Variants in SNX5 observed in about 807,000 individuals in gnomAD.
SNX5 encodes the protein sorting nexin 5.
Under a neutral mutation model 53.9 loss-of-function variants are expected in SNX5, and 31 were observed. The observed-to-expected ratio is 0.58, with a 90% CI of 0.43 to 0.78. SNX5 has a LOEUF of 0.78. Among genes scored for constraint, SNX5 ranks in the 30% least tolerant of loss-of-function variants. The pLI, the probability that SNX5 is intolerant of heterozygous loss-of-function variation, is 0.00. For synonymous variants in SNX5, 168 were observed against 171.1 expected (o/e 0.98, Z 0.14); for missense variants, 471 against 478.8 (o/e 0.98, Z 0.15).
At chr20:17,967,578 G>C (rs908801794) in intron 1 of SNX5, 1 of 152,298 alleles carries the variant, frequency 6.6e-6, no homozygotes, top group Non-Finnish European at 1.5e-5. Flanking sequence ...CTTTTTCATC[G>C]GTCAGAAAAA....
chr20:17,955,831 G>A (rs767160222), intron 2 of SNX5, among the ~76,000 whole-genome samples: 58 of 152,124 alleles, frequency 3.8e-4, no homozygotes, highest in Admixed American at 4.6e-4. Context: ...TGTCACCCAG[G>A]CTGGAGTGCA....
chr20:17,952,887 G>C lies in SNX5; in HGVS notation c.390-177C>G, dbSNP rs143287130. On this transcript the variant is annotated intron_variant, in intron 4 of 12. Coordinates refer to ENST00000377759, the MANE Select transcript of SNX5 (RefSeq NM_014426.4). ...AGATACTAAGGCAGTTGCCATTTTT[G>C]AATCTGTGGAATAAGACTATGGAGG... is the stretch of plus-strand genomic sequence containing the variant. Among the ~76,000 whole-genome samples the C allele has an allele frequency of 1.2e-3, 184 of 152,316 alleles. 1 individual carries two copies. The highest frequency in any genetic ancestry group is 4.2e-3 in the African/African-American group (174 of 41,568).
intron 1 of SNX5, among the ~76,000 whole-genome samples, chr20:17,963,622 T>C (rs1290668853): frequency 1.3e-5 from 2 of 152,194 alleles, no homozygotes; most frequent in Non-Finnish European, 2.9e-5. Flanking sequence ...GGTCTCACTC[T>C]GTTGCCAAGG....
intron 2 of SNX5, among the ~76,000 whole-genome samples, chr20:17,955,916 C>T (rs1016770953): frequency 8.5e-5 from 13 of 152,204 alleles, no homozygotes; most frequent in African/African-American, 3.1e-4. Context: ...CCACCTCAGC[C>T]TCCTGAGTAG....
intron 1 of SNX5, chr20:17,968,058 G>A (rs192391436): frequency 4.8e-5 from 19 of 398,590 alleles, no homozygotes; most frequent in Admixed American, 3.5e-4. Flanking sequence ...CCACGAAGCC[G>A]AGGAAAGTTT....
chr20:17,960,771 CAA>C (rs571474077), intron 1 of SNX5, among the ~76,000 whole-genome samples: 7 of 92,752 alleles, frequency 7.5e-5, no homozygotes, highest in Admixed American at 1.2e-4. Flanking sequence ...AGCGAGTCTC[CAA>C]AAAAAAAAAA....
At chr20:17,946,186 G>A (rs146087665) in intron 11 of SNX5, among the ~76,000 whole-genome samples, 39 of 152,352 alleles carry the variant, frequency 2.6e-4, no homozygotes, top group Admixed American at 5.2e-4. Flanking sequence ...GACATGGACC[G>A]GACTTGTGAT....
rs1480114725 is a variant in SNX5 at position 17,952,676 on chromosome 20, A to AG, written c.423dup (p.Ser142LeufsTer3). ...AGCCGCTGAAGAAAGACTTCATGGG[A>AG]GGACACAGTCTTCTTAAACACAGCG... On this transcript the variant is annotated frameshift_variant, in exon 5 of 13. Coordinates refer to ENST00000377759, the MANE Select transcript of SNX5 (RefSeq NM_014426.4). LOFTEE classifies it high-confidence loss of function. The AG allele has an allele frequency of 1.9e-6, 3 of 1,613,902 alleles. No individual in the cohort carries two copies. The highest frequency in any genetic ancestry group is 2.5e-6 in the Non-Finnish European group (3 of 1,179,960).
chr20:17,943,371 G>A (rs1412044674), intron 11 of SNX5, 176 bp from the exon 12 acceptor site: 1 of 582,754 alleles, frequency 1.7e-6, no homozygotes, highest in East Asian at 2.9e-5. Flanking sequence ...ATTAACTGTG[G>A]TGATACAGCT....
In SNX5 at chr20:17,950,400, G is replaced by C; in HGVS notation, c.610-4C>G. ...GCTCAAAGAAGTCATCTACCTCCTAGAAGGAAGAAAAAAAGAACCAGACAT... is the reference window on the plus strand; with the variant it reads ...GCTCAAAGAAGTCATCTACCTCCTACAAGGAAGAAAAAAAGAACCAGACAT... On this transcript the variant is annotated splice_polypyrimidine_tract_variant and splice_region_variant and intron_variant, in intron 6 of 12. Coordinates refer to ENST00000377759, the MANE Select transcript of SNX5 (RefSeq NM_014426.4). The C allele has an allele frequency of 6.5e-7, 1 of 1,544,402 alleles. No individual in the cohort carries two copies. The highest frequency in any genetic ancestry group is 8.9e-7 in the Non-Finnish European group (1 of 1,122,724).
intron 8 of SNX5, 93 bp from the exon 9 acceptor site, chr20:17,949,196 G>A (rs2122359562): frequency 6.9e-6 from 7 of 1,017,048 alleles, no homozygotes; most frequent in South Asian, 5.5e-5. Flanking sequence ...GTCAACTCAG[G>A]AGTCCTAGCC....
chr20:17,956,673 CAAA>C (rs59252584), intron 2 of SNX5, among the ~76,000 whole-genome samples: 931 of 84,754 alleles, frequency 0.011, 16 homozygotes, highest in African/African-American at 0.043. Context: ...AGACTGTCTC[CAAA>C]AAAAAAAAAA....
Position 17,950,382 on chromosome 20 carries a change from G to T in SNX5, c.624C>A (p.Phe208Leu). ...LFTGVKEVDD[F>L]FEQEKNFLIN... is the part of the protein sequence containing the mutation. ...TAAGGAAGTTCTTCTCTTGCTCAAA[G>T]AAGTCATCTACCTCCTAGAAGGAAG... Residue 208 changes from phenylalanine to leucine, a missense_variant, in exon 7 of 13, where the codon TTC (phenylalanine) becomes TTA (leucine). Transcript: ENST00000377759. 1 of 1,604,220 alleles carries T rather than the reference G, an allele frequency of 6.2e-7. No homozygotes were observed. The highest frequency in any genetic ancestry group is 2.2e-5 in the East Asian group (1 of 44,820).
intron 1 of SNX5, among the ~76,000 whole-genome samples, chr20:17,963,750 C>A (rs566502366): frequency 1.1e-4 from 16 of 152,328 alleles, no homozygotes; most frequent in Admixed American, 7.2e-4. Context: ...AACCAAGATG[C>A]ACAGGAAATA....
At chr20:17,955,291 G>A in intron 3 of SNX5, 74 bp downstream of exon 3, 1 of 1,010,944 alleles carries the variant, frequency 9.9e-7, no homozygotes, top group South Asian at 1.5e-5. Context: ...AAAAAAAGTG[G>A]ATATAAGTCT....
In SNX5 at chr20:17,953,017, A is replaced by C. The variant is rs867113120; in HGVS notation, c.390-307T>G. ...CACAGAACATTTGTTTCTTTAAAGC[A>C]ATGAGAACCCTTTAACTGCAGCCTA... On this transcript the variant is annotated intron_variant, in intron 4 of 12. Transcript: ENST00000377759. Among the ~76,000 whole-genome samples, 4 of 152,252 alleles carry C rather than the reference A, an allele frequency of 2.6e-5. No homozygotes were observed. The South Asian group carries it at 8.3e-4, about 31-fold the overall frequency.
chr20:17,964,699 C>T (rs2035510041), intron 1 of SNX5, among the ~76,000 whole-genome samples: 1 of 152,204 alleles, frequency 6.6e-6, no homozygotes, highest in Non-Finnish European at 1.5e-5. Context: ...TCACTACACA[C>T]TGTTGTGACC....
intron 1 of SNX5, chr20:17,967,978 G>A (rs979308761): frequency 5.0e-6 from 2 of 397,724 alleles, no homozygotes; most frequent in African/African-American, 4.1e-5. Context: ...GGGAAGGAGG[G>A]TATTTTGGGG....
At chr20:17,947,415 A>T in intron 11 of SNX5, 71 bp downstream of exon 11, 11 of 1,541,824 alleles carry the variant, frequency 7.1e-6, no homozygotes, top group Middle Eastern at 1.7e-4. Flanking sequence ...TTTTTGCACT[A>T]TTTGTAGAAC....
Sources: gnomAD v4.1 joint callset for allele counts (sites outside exome capture counted in the v4.1 genomes callset) on GRCh38, gnomAD v4.1.1 for gene constraint, MANE v1.5 for transcripts, NCBI Gene and HGNC (gene_info 2026-07-23, HGNC 2026-07-21) for gene names.